The following VAT1L variants were observed in gnomAD, a reference collection of about 807,000 sequenced individuals.
VAT1L encodes putative NADPH-dependent quinone oxidoreductase VAT1L.
In VAT1L, 34 loss-of-function variants were observed where a neutral mutation model predicts 44.1. That is an observed-to-expected ratio of 0.77 (90% CI 0.59 to 1.03). The LOEUF is 1.03. VAT1L is among the 50% of genes least tolerant of loss of function. The pLI is 0.00. For missense variants in VAT1L, 615 were observed against 538.8 expected (o/e 1.14, Z -1.40); for synonymous variants, 253 against 202.2 (o/e 1.25, Z -2.13).
chr16:77,892,338 T>A (rs1038442554), intron 7 of VAT1L: 4 of 309,230 alleles, frequency 1.3e-5, no homozygotes, highest in African/African-American at 8.7e-5. Flanking sequence ...CTTTAAAGAT[T>A]TAGGAGCTCC....
intron 3 of VAT1L, among the ~76,000 whole-genome samples, chr16:77,835,480 C>T (rs868782335): frequency 9.9e-5 from 15 of 152,160 alleles, no homozygotes; most frequent in Middle Eastern, 3.2e-3. Context: ...TCCTTCAAGG[C>T]CCCAACTAGC....
chr16:77,804,201 G>T (rs892872190), intron 1 of VAT1L, among the ~76,000 whole-genome samples: 8 of 152,208 alleles, frequency 5.3e-5, no homozygotes, highest in African/African-American at 1.9e-4. Context: ...CCTGTTTGAA[G>T]TGAATGCCTT....
At chr16:77,815,219 C>G (rs1597175550) in intron 1 of VAT1L, among the ~76,000 whole-genome samples, 1 of 152,284 alleles carries the variant, frequency 6.6e-6, no homozygotes, top group Non-Finnish European at 1.5e-5. Context: ...TGGGAGTCTA[C>G]AAATATCATT....
chr16:77,811,548 C>T (rs549194385), intron 1 of VAT1L, among the ~76,000 whole-genome samples: 1 of 152,226 alleles, frequency 6.6e-6, no homozygotes, highest in South Asian at 2.1e-4. Flanking sequence ...GGCTTATATT[C>T]CCAGTTCTGG....
chr16:77,925,707 G>A (rs1022781231), intron 7 of VAT1L, among the ~76,000 whole-genome samples: 1 of 152,154 alleles, frequency 6.6e-6, no homozygotes, highest in Non-Finnish European at 1.5e-5. Flanking sequence ...AAAATCTAGA[G>A]AGACTACAGG....
intron 7 of VAT1L, among the ~76,000 whole-genome samples, chr16:77,958,678 G>T (rs1864227): frequency 1.3e-5 from 2 of 152,048 alleles, no homozygotes; most frequent in African/African-American, 4.8e-5. Context: ...TCTGGCTCTT[G>T]GTTCAATGTT....
At chr16:77,789,674 A>G (rs2015797469) in intron 1 of VAT1L, among the ~76,000 whole-genome samples, 1 of 152,106 alleles carries the variant, frequency 6.6e-6, no homozygotes, top group Non-Finnish European at 1.5e-5. Context: ...GCCCCTCTCC[A>G]TCCTCTGTTT....
chr16:77,799,491 C>T (rs1208149329), intron 1 of VAT1L, among the ~76,000 whole-genome samples: 1 of 149,498 alleles, frequency 6.7e-6, no homozygotes, highest in African/African-American at 2.5e-5. Context: ...CTGACAGCCC[C>T]ACTGGAATAC....
intron 7 of VAT1L, among the ~76,000 whole-genome samples, chr16:77,943,834 G>A (rs540694160): frequency 8.5e-5 from 13 of 152,284 alleles, no homozygotes; most frequent in African/African-American, 3.1e-4. Flanking sequence ...GCAGTTATTA[G>A]GATGCAATTA....
chr16:77,847,721 A>G (rs992686183), intron 3 of VAT1L, among the ~76,000 whole-genome samples: 2 of 152,222 alleles, frequency 1.3e-5, no homozygotes, highest in African/African-American at 4.8e-5. Flanking sequence ...TCGAGTGGCA[A>G]AACCAAGTGT....
intron 7 of VAT1L, among the ~76,000 whole-genome samples, chr16:77,914,436 G>T (rs187755545): frequency 1.3e-5 from 2 of 152,152 alleles, no homozygotes; most frequent in African/African-American, 2.4e-5. Context: ...GCCATGGTGT[G>T]AGCATTCACA....
intron 7 of VAT1L, among the ~76,000 whole-genome samples, chr16:77,965,825 T>A (rs2018217003): frequency 6.6e-6 from 1 of 152,176 alleles, no homozygotes; most frequent in South Asian, 2.1e-4. Flanking sequence ...ATCCACTTTT[T>A]CATTCATTCA....
rs78128938 is a variant in VAT1L, at chr16:77,827,225, C to G, written c.579+1764C>G. ...AACAGCAAGCAAGCCATTTAGAATG[C>G]TGGCATTTATGATCTTAGTGTGCTC... On this transcript the variant is annotated intron_variant, in intron 3 of 8. Transcript: ENST00000302536. 3.0e-4 allele frequency among the ~76,000 whole-genome samples: 46 copies of G among 152,334 alleles called. No homozygotes were observed. The East Asian group carries it at 8.7e-3, about 29-fold the overall frequency.
At chr16:77,837,618 A>C (rs567926234) in intron 3 of VAT1L, among the ~76,000 whole-genome samples, 1 of 152,194 alleles carries the variant, frequency 6.6e-6, no homozygotes, top group South Asian at 2.1e-4. Flanking sequence ...AACCAGCAGT[A>C]TGTACATTAT....
chr16:77,915,333 T>C (rs1318457831), intron 7 of VAT1L, among the ~76,000 whole-genome samples: 1 of 152,248 alleles, frequency 6.6e-6, no homozygotes, highest in Non-Finnish European at 1.5e-5. Flanking sequence ...ATCATAAATG[T>C]ATGCATATAC....
intron 7 of VAT1L, among the ~76,000 whole-genome samples, chr16:77,922,177 G>C (rs1165846941): frequency 1.3e-5 from 2 of 149,834 alleles, no homozygotes; most frequent in Non-Finnish European, 3.0e-5. Context: ...AGTTTGGGAT[G>C]GCGGGCGGGG....
In VAT1L at chr16:77,978,402, C is replaced by T. The variant is rs902184107; in HGVS notation, c.*707C>T. On this transcript the variant is annotated 3_prime_UTR_variant, in exon 9 of 9. Transcript: ENST00000302536. ...TTGAGGACCTGCTGTGAAGATTTCTCCTCCAAAATACATCTCATGGGCAGG... is the reference window on the plus strand; with the variant it reads ...TTGAGGACCTGCTGTGAAGATTTCTTCTCCAAAATACATCTCATGGGCAGG... 1.3e-5 allele frequency: 2 copies of T among 152,230 alleles called. No individual in the cohort carries two copies. The highest frequency in any genetic ancestry group is 2.9e-5 in the Non-Finnish European group (2 of 68,084). The allele number at this position is 152,230 out of a possible 1,614,324, so 9.4% of individuals were successfully genotyped here.
At chr16:77,960,964 G>A (rs1391570533) in intron 7 of VAT1L, among the ~76,000 whole-genome samples, 1 of 152,058 alleles carries the variant, frequency 6.6e-6, no homozygotes, top group Non-Finnish European at 1.5e-5. Context: ...TGAACTGATG[G>A]CATGAGTTCA....
At chr16:77,871,950 G>C (rs932858574) in intron 4 of VAT1L, among the ~76,000 whole-genome samples, 1 of 152,070 alleles carries the variant, frequency 6.6e-6, no homozygotes, top group Non-Finnish European at 1.5e-5. Context: ...AAGACTTGAA[G>C]GTGGGGCATT....
Sources: gnomAD v4.1 joint callset for allele counts (sites outside exome capture counted in the v4.1 genomes callset) on GRCh38, gnomAD v4.1.1 for gene constraint, MANE v1.5 for transcripts, NCBI Gene and HGNC (gene_info 2026-07-23, HGNC 2026-07-21) for gene names.